The following SEZ6L2 variants were observed in gnomAD, a reference collection of about 807,000 sequenced individuals.
The protein encoded by SEZ6L2 is seizure 6-like protein 2.
A neutral mutation model predicts 97.0 loss-of-function variants in SEZ6L2; 44 were observed. The observed-to-expected ratio is 0.45, with a 90% CI of 0.36 to 0.58. The LOEUF (loss-of-function observed/expected upper bound fraction) is 0.58. Among genes scored for constraint, SEZ6L2 ranks in the 20% least tolerant of loss-of-function variants. The pLI, the probability that SEZ6L2 is intolerant of heterozygous loss-of-function variation, is 0.00. For synonymous variants in SEZ6L2, 543 were observed against 546.1 expected, an observed-to-expected ratio of 0.99 and a Z score of 0.08; for missense variants, 1,086 against 1,233.3, an observed-to-expected ratio of 0.88 and a Z score of 1.79.
chr16:29,871,849 G>C, intron 17 of SEZ6L2, 121 bp from the exon 18 acceptor site: 1 of 855,228 alleles, frequency 1.2e-6, no homozygotes, highest in Admixed American at 2.0e-5. Flanking sequence ...GGGCTGGGGG[G>C]CCAGTGAATG....
rs774342907 is a variant in SEZ6L2 at position 29,887,778 on chromosome 16, C to T, written c.1079G>A (p.Arg360His). 8.1e-6 allele frequency: 13 copies of T among 1,613,760 alleles called. No homozygotes were observed. The Admixed American group carries it at 8.3e-5, about 10-fold the overall frequency. ...TCCCCCAGGCTCTGGGGACACGATGCGGCCCAGGGTGGCATTGTGGATGGT... is the reference window on the plus strand; with the variant it reads ...TCCCCCAGGCTCTGGGGACACGATGTGGCCCAGGGTGGCATTGTGGATGGT... ...GGTIHNATLG[R>H]IVSPEPGGAV... The change falls in exon 7 of 18, where the codon CGC (arginine) becomes CAC (histidine). Residue 360 changes from arginine (R) to histidine (H), a missense_variant. Physicochemically the swap from Arg to His is conservative, Grantham distance 29. Transcript: ENST00000617533.
rs768192305 is a variant in SEZ6L2 at position 29,873,472 on chromosome 16, T to C, written c.2297-41A>G. Reference sequence around the variant, plus strand: ...CAGTCACGTGCCAGCTGCACTACTGTGCACGGGGCAGACGGGCTCTCCCAG... The same window carrying C: ...CAGTCACGTGCCAGCTGCACTACTGCGCACGGGGCAGACGGGCTCTCCCAG... On this transcript the variant is annotated intron_variant, in intron 13 of 17. Transcript: ENST00000617533. The surrounding 1 kb of genome is among the most constrained non-coding windows in gnomAD (Gnocchi z 4.3). 6.2e-7 allele frequency: 1 copy of C among 1,614,004 alleles called. No homozygotes were observed. Among genetic ancestry groups the C allele is most frequent in the South Asian group, 1.1e-5 (1 of 91,068 alleles).
At chr16:29,894,950 C>G (rs1014947778) in intron 5 of SEZ6L2, among the ~76,000 whole-genome samples, 11 of 152,050 alleles carry the variant, frequency 7.2e-5, no homozygotes, top group African/African-American at 1.9e-4. Context: ...GAGGCTGAGG[C>G]AGGTGGATCA....
chr16:29,889,481 A>G (rs2068222106), intron 5 of SEZ6L2, among the ~76,000 whole-genome samples: 1 of 151,924 alleles, frequency 6.6e-6, no homozygotes, highest in East Asian at 1.9e-4. Flanking sequence ...AGGTGTGAAC[A>G]CTGAGGCTCC....
At chr16:29,878,041 C>T (rs1308968185) in intron 10 of SEZ6L2, among the ~76,000 whole-genome samples, 1 of 152,222 alleles carries the variant, frequency 6.6e-6, no homozygotes, top group Non-Finnish European at 1.5e-5. Flanking sequence ...GCCAGAGCCC[C>T]TTGTTCACAG....
intron 5 of SEZ6L2, among the ~76,000 whole-genome samples, chr16:29,891,608 T>A (rs2150809576): frequency 6.6e-6 from 1 of 151,800 alleles, no homozygotes; most frequent in Middle Eastern, 3.4e-3. Flanking sequence ...GCCATTGCAC[T>A]CCAGCCTGGG....
intron 5 of SEZ6L2, among the ~76,000 whole-genome samples, chr16:29,889,340 G>A (rs1348277757): frequency 6.6e-6 from 1 of 152,042 alleles, no homozygotes; most frequent in African/African-American, 2.4e-5. Flanking sequence ...TTGGTAGGCT[G>A]AGGCAGGAGA....
Position 29,873,602 on chromosome 16 carries a change from C to T in SEZ6L2, c.2232G>A (p.Met744Ile). 6.2e-7 allele frequency: 1 copy of T among 1,614,176 alleles called. No individual in the cohort carries two copies. The change falls in exon 13 of 18, where the codon ATG (methionine) becomes ATA (isoleucine). Residue 744 changes from methionine (M) to isoleucine (I), a missense_variant. Physicochemically the swap from Met to Ile is conservative, Grantham distance 10. Coordinates refer to ENST00000617533, the MANE Select transcript of SEZ6L2 (RefSeq NM_001243332.2). This position sits in a 1 kb window ranked among gnomAD's most constrained non-coding sequence, Gnocchi z 4.3. ...CTGTGTCCCGGCTGTAGCAGGTGAGCATGGCTGCCCCCTCGAGGCTGTACC... is the reference window on the plus strand; with the variant it reads ...CTGTGTCCCGGCTGTAGCAGGTGAGTATGGCTGCCCCCTCGAGGCTGTACC... The part of the protein sequence containing the change: ...LPGYSLEGAA[M>I]LTCYSRDTGT...
chr16:29,872,165 CA>C (rs765249383), intron 17 of SEZ6L2, 21 bp downstream of exon 17: 9 of 1,557,934 alleles, frequency 5.8e-6, no homozygotes, highest in African/African-American at 1.4e-5. Flanking sequence ...GGTGGCTCTT[CA>C]GGGGCAGGCA....
chr16:29,895,985 CAG>C, intron 3 of SEZ6L2, 125 bp from the exon 4 acceptor site: 1 of 1,027,772 alleles, frequency 9.7e-7, no homozygotes, highest in East Asian at 2.6e-5. Context: ...TTGTTTGAGA[CAG>C]GGTCTCGCTC....
chr16:29,890,125 T>C (rs1455167182), intron 5 of SEZ6L2, among the ~76,000 whole-genome samples: 1 of 152,130 alleles, frequency 6.6e-6, no homozygotes, highest in Non-Finnish European at 1.5e-5. Flanking sequence ...GCCAGGGTGG[T>C]CTCGAACTCC....
At chr16:29,874,555 T>G (rs58592657) in intron 12 of SEZ6L2, among the ~76,000 whole-genome samples, 4,330 of 75,016 alleles carry the variant, frequency 0.058, 222 homozygotes, top group African/African-American at 0.22. Context: ...TGCTTGTTTT[T>G]TTTTTTTTTT....
chr16:29,896,719 G>T, intron 3 of SEZ6L2, 103 bp downstream of exon 3: 1 of 937,924 alleles, frequency 1.1e-6, no homozygotes, highest in Non-Finnish European at 1.7e-6. Context: ...TCTCCCATCT[G>T]TACCCAGGAC....
In SEZ6L2 at chr16:29,876,769, G is replaced by C; in HGVS notation, c.2091C>G (p.Pro697=). Residue 697 remains proline (P), a synonymous_variant, in exon 12 of 18, where the codon CCC becomes CCG. Transcript: ENST00000617533. The surrounding 1 kb of genome is among the most constrained non-coding windows in gnomAD (Gnocchi z 6.5). The part of the protein sequence containing the change: ...QWDLSWSAAP[P]ACQKIMTCAD... ...GGGCCGGCTCACTCTTTTGGCAGGC[G>C]GGCGGCGCGGCGCTCCAAGACAGGT... 6.4e-7 allele frequency: 1 copy of C among 1,552,206 alleles called. No individual in the cohort carries two copies. Among genetic ancestry groups the C allele is most frequent in the Non-Finnish European group, 8.7e-7 (1 of 1,147,516 alleles).
At chr16:29,895,532 G>T in intron 4 of SEZ6L2, 72 bp from the exon 5 acceptor site, 1 of 1,538,510 alleles carries the variant, frequency 6.5e-7, no homozygotes, top group Non-Finnish European at 8.9e-7. Context: ...CCTGTCCTGT[G>T]CCTTTGCCCT....
Position 29,896,937 on chromosome 16 carries a change from T to TGGGGGGGGGGG in SEZ6L2, c.395_396insCCCCCCCCCCC (p.Ser136HisfsTer36). 7.3e-7 allele frequency: 1 copy of TGGGGGGGGGGG among 1,367,230 alleles called. No individual in the cohort carries two copies. Among genetic ancestry groups the TGGGGGGGGGGG allele is most frequent in the Non-Finnish European group, 1.0e-6 (1 of 967,000 alleles). The allele number at this position is 1,367,230 out of a possible 1,614,324, so 84.7% of individuals were successfully genotyped here. ...CTGGGGAGGCAGGGCTGGGTGGGGGTGGGGCTGTGGTTCCTGGGGGCGGGG... is the reference window on the plus strand; with the variant it reads ...CTGGGGAGGCAGGGCTGGGTGGGGGTGGGGGGGGGGGGGGGCTGTGGTTCCTGGGGGCGGGG... On this transcript the variant is annotated frameshift_variant, in exon 3 of 18. Transcript: ENST00000617533. LOFTEE classifies it high-confidence loss of function.
Position 29,895,405 on chromosome 16 carries a change from C to A in SEZ6L2, c.707G>T (p.Gly236Val). 6.2e-7 allele frequency: 1 copy of A among 1,614,068 alleles called. No individual in the cohort carries two copies. The highest frequency in any genetic ancestry group is 8.5e-7 in the Non-Finnish European group (1 of 1,180,002). ...EEELLVLAGG[G>V]SPGLAPRLLA... ...GAGTCGGGGGGCCAGGCCTGGGGATCCCCCACCAGCCAGCACCAGGAGCTC... is the reference window on the plus strand; with the variant it reads ...GAGTCGGGGGGCCAGGCCTGGGGATACCCCACCAGCCAGCACCAGGAGCTC... The change falls in exon 5 of 18, where the codon GGA (glycine) becomes GTA (valine). Residue 236 changes from glycine (G) to valine (V), a missense_variant. Around this residue, in one of 2 missense-constraint regions of SEZ6L2, gnomAD observed 776 missense variants for 794.7 expected, o/e 0.98. Coordinates refer to ENST00000617533, the MANE Select transcript of SEZ6L2 (RefSeq NM_001243332.2).
intron 8 of SEZ6L2, among the ~76,000 whole-genome samples, chr16:29,880,691 G>A (rs952468096): frequency 6.6e-6 from 1 of 150,768 alleles, no homozygotes; most frequent in Non-Finnish European, 1.5e-5. Context: ...TCCTGGCCTC[G>A]AGTGATCTGC....
chr16:29,872,972 A>C (rs190418830), intron 14 of SEZ6L2, among the ~76,000 whole-genome samples: 3 of 152,312 alleles, frequency 2.0e-5, no homozygotes, highest in Admixed American at 6.5e-5. Context: ...TCTGAGCCAA[A>C]CTAGAACTTG....
Sources: gnomAD v4.1 joint callset for allele counts (sites outside exome capture counted in the v4.1 genomes callset) on GRCh38, gnomAD v4.1.1 for gene constraint, gnomAD v4.1.1 regional missense constraint, Gnocchi (gnomAD v3.1) non-coding constraint, MANE v1.5 for transcripts, NCBI Gene and HGNC (gene_info 2026-07-23, HGNC 2026-07-21) for gene names.